FOCAD: variants seen among roughly 807,000 people sequenced by gnomAD.
The protein encoded by FOCAD is KIAA1797.
In FOCAD, 198 loss-of-function variants were observed where a neutral mutation model predicts 225.6. The observed-to-expected ratio is 0.88, with a 90% confidence interval of 0.78 to 0.99. The LOEUF (loss-of-function observed/expected upper bound fraction) is 0.99. Ranked by LOEUF, FOCAD falls within the 50% of genes least tolerant of loss-of-function variation. The pLI is 0.00. For missense variants in FOCAD, 2,713 were observed against 2,123.6 expected, an observed-to-expected ratio of 1.28 and a Z score of -5.46; for synonymous variants, 897 against 755.0, an observed-to-expected ratio of 1.19 and a Z score of -3.08.
At chr9:20,822,871 A>G (rs1175496393) in intron 14 of FOCAD, 118 bp from the exon 15 acceptor site, 3 of 840,772 alleles carry the variant, frequency 3.6e-6, no homozygotes, top group Non-Finnish European at 5.0e-6. Flanking sequence ...TTTGAGGGTC[A>G]CCATTTAGTG....
chr9:20,932,900 TAAGAGAAA>T, intron 27 of FOCAD, 106 bp from the exon 28 acceptor site: 2 of 737,148 alleles, frequency 2.7e-6, no homozygotes, highest in Admixed American at 5.2e-5. Context: ...CTTTTTTTTT[TAAGAGAAA>T]TGCTGGTATT....
chr9:20,960,720 G>A (rs1464176492), intron 35 of FOCAD, among the ~76,000 whole-genome samples: 1 of 151,378 alleles, frequency 6.6e-6, no homozygotes, highest in Non-Finnish European at 1.5e-5. Flanking sequence ...ATCTCCTAAT[G>A]CTTTCCCTCC....
intron 11 of FOCAD, among the ~76,000 whole-genome samples, chr9:20,814,773 T>C (rs1823480851): frequency 6.6e-6 from 1 of 152,168 alleles, no homozygotes; most frequent in Non-Finnish European, 1.5e-5. Context: ...TTCAATCACA[T>C]ACATAAACTA....
intron 11 of FOCAD, among the ~76,000 whole-genome samples, chr9:20,812,032 C>T (rs1056283768): frequency 3.3e-5 from 5 of 152,058 alleles, no homozygotes; most frequent in African/African-American, 1.2e-4. Flanking sequence ...ATCAATTTTT[C>T]CTCAGGACAA....
chr9:20,712,148 G>A (rs1419385180), intron 1 of FOCAD, among the ~76,000 whole-genome samples: 2 of 151,958 alleles, frequency 1.3e-5, no homozygotes, highest in African/African-American at 4.8e-5. Context: ...TCCTGTATTC[G>A]ACTTTCTACG....
chr9:20,802,520 A>G (rs902050279), intron 11 of FOCAD, among the ~76,000 whole-genome samples: 11 of 152,238 alleles, frequency 7.2e-5, no homozygotes, highest in Admixed American at 2.0e-4. Flanking sequence ...TTTACCTCCT[A>G]GTAACCTTGG....
intron 36 of FOCAD, among the ~76,000 whole-genome samples, chr9:20,977,417 A>G (rs1199139266): frequency 1.3e-5 from 2 of 152,202 alleles, no homozygotes; most frequent in African/African-American, 2.4e-5. Flanking sequence ...GGCAAACAGA[A>G]TACACACCTC....
intron 10 of FOCAD, among the ~76,000 whole-genome samples, 171 bp downstream of exon 10, chr9:20,782,100 G>A: frequency 6.6e-6 from 1 of 152,146 alleles, no homozygotes; most frequent in East Asian, 1.9e-4. Context: ...AGAAGGGATA[G>A]TAGTCCTGTT....
chr9:20,861,578 A>G (rs533734497), intron 15 of FOCAD, among the ~76,000 whole-genome samples: 4 of 152,278 alleles, frequency 2.6e-5, no homozygotes, highest in African/African-American at 7.2e-5. Flanking sequence ...TACTCTGTCT[A>G]CTGTCTTTCC....
chr9:20,679,547 C>T (rs1002584569), upstream of FOCAD, among the ~76,000 whole-genome samples: 3 of 151,980 alleles, frequency 2.0e-5, no homozygotes, highest in Admixed American at 2.0e-4. Flanking sequence ...CTGTTAATGA[C>T]TTGGGAGTGG....
rs149442164 is a variant in FOCAD, at chr9:20,824,731, A to G, written c.1920+1616A>G. Reference sequence around the variant, plus strand: ...ATGAGGATAAAATAAGATTATACACAAAAAAGACCTAGTGTAATATCTGCT... The same window carrying G: ...ATGAGGATAAAATAAGATTATACACGAAAAAGACCTAGTGTAATATCTGCT... On this transcript the variant is annotated intron_variant, in intron 15 of 43. Coordinates refer to ENST00000338382, the MANE Select transcript of FOCAD (RefSeq NM_001375567.1). Among the ~76,000 whole-genome samples, 25 of 152,246 alleles carry G rather than the reference A, an allele frequency of 1.6e-4. 1 individual carries two copies. The highest frequency in any genetic ancestry group is 5.5e-4 in the African/African-American group (23 of 41,574).
At chr9:20,966,653 T>A (rs1221883704) in intron 35 of FOCAD, among the ~76,000 whole-genome samples, 2 of 152,104 alleles carry the variant, frequency 1.3e-5, no homozygotes, top group Admixed American at 1.3e-4. Flanking sequence ...TTAGTCCTTA[T>A]ATTTAAGCTG....
At chr9:20,725,653 G>C (rs902719986) in intron 4 of FOCAD, among the ~76,000 whole-genome samples, 1 of 152,194 alleles carries the variant, frequency 6.6e-6, no homozygotes, top group African/African-American at 2.4e-5. Flanking sequence ...TTTGGAACAC[G>C]TATGGAAGCC....
At position 20,758,134 on chromosome 9, in the gene FOCAD, A is replaced by G. The variant is rs1018135026; in HGVS notation, c.437A>G (p.Asp146Gly). ...PLITVLEHRP[D>G]CWPVFLQQLT... The stretch of plus-strand genomic sequence containing the variant: ...ATAACTGTGCTTGAACACAGACCTG[A>G]TTGCTGGCCAGTGTTTTTGCAGCAG... Residue 146 changes from aspartate to glycine, a missense_variant, in exon 6 of 44, where the codon GAT becomes GGT. Asp to Gly is a moderately conservative substitution (Grantham distance 94, BLOSUM62 -1). Coordinates refer to ENST00000338382, the MANE Select transcript of FOCAD (RefSeq NM_001375567.1). 3.7e-6 allele frequency: 6 copies of G among 1,612,400 alleles called. No homozygotes were observed. The highest frequency in any genetic ancestry group is 5.1e-6 in the Non-Finnish European group (6 of 1,179,340).
At chr9:20,950,497 G>T (rs1587701901) in intron 33 of FOCAD, among the ~76,000 whole-genome samples, 1 of 152,192 alleles carries the variant, frequency 6.6e-6, no homozygotes, top group East Asian at 1.9e-4. Context: ...TAATTCTACT[G>T]AAATTTAAGT....
chr9:20,988,837 C>A (rs996964360), intron 41 of FOCAD, among the ~76,000 whole-genome samples: 2 of 152,128 alleles, frequency 1.3e-5, no homozygotes, highest in East Asian at 1.9e-4. Flanking sequence ...CTGGCCTCCA[C>A]ACTGGCCAGC....
At chr9:20,879,366 G>A (rs1010859971) in intron 19 of FOCAD, among the ~76,000 whole-genome samples, 28 of 152,166 alleles carry the variant, frequency 1.8e-4, no homozygotes, top group African/African-American at 6.8e-4. Context: ...GATTTTAGAT[G>A]TTAGGAAGTT....
chr9:20,908,953 G>A (rs1472150224), intron 22 of FOCAD, among the ~76,000 whole-genome samples: 1 of 152,026 alleles, frequency 6.6e-6, no homozygotes, highest in Admixed American at 6.6e-5. Flanking sequence ...ATGCCCACTA[G>A]CAATTCCAGT....
chr9:20,744,774 C>T (rs987631591), intron 5 of FOCAD, among the ~76,000 whole-genome samples: 2 of 152,170 alleles, frequency 1.3e-5, no homozygotes, highest in African/African-American at 4.8e-5. Flanking sequence ...GCCACACGTT[C>T]AGATCTTTCA....
Sources: gnomAD v4.1 joint callset for allele counts (sites outside exome capture counted in the v4.1 genomes callset) on GRCh38, gnomAD v4.1.1 for gene constraint, MANE v1.5 for transcripts, NCBI Gene and HGNC (gene_info 2026-07-23, HGNC 2026-07-21) for gene names.